The following SYCE1 variants were observed in gnomAD, a reference collection of about 807,000 sequenced individuals.
The protein encoded by SYCE1 is synaptonemal complex central element protein 1.
A neutral mutation model predicts 55.1 loss-of-function variants in SYCE1; 37 were observed. The ratio of observed to expected loss-of-function variants is 0.67; its 90% CI spans 0.52 to 0.88. The LOEUF (loss-of-function observed/expected upper bound fraction) is 0.88. Among genes scored for constraint, SYCE1 ranks in the 40% least tolerant of loss-of-function variants. The pLI, the probability that SYCE1 is intolerant of heterozygous loss-of-function variation, is 0.00. For synonymous variants in SYCE1, 163 were observed against 159.4 expected (o/e 1.02, Z -0.17); for missense variants, 399 against 416.4 (o/e 0.96, Z 0.36).
At chr10:133,558,053 C>T in intron 5 of SYCE1, 114 bp downstream of exon 5, 1 of 1,534,082 alleles carries the variant, frequency 6.5e-7, no homozygotes, top group Non-Finnish European at 9.0e-7. Context: ...TGGTGGAAGC[C>T]ACAGGAGAGA....
upstream of SYCE1, chr10:133,567,799 A>G: frequency 2.8e-6 from 1 of 352,604 alleles, no homozygotes; most frequent in Non-Finnish European, 5.7e-6. Context: ...TACAGGAGCC[A>G]CAGGCCACTG....
chr10:133,566,229 C>T (rs1851931683), upstream of SYCE1, among the ~76,000 whole-genome samples: 1 of 152,326 alleles, frequency 6.6e-6, no homozygotes, highest in African/African-American at 2.4e-5. Flanking sequence ...AGAACCCAGC[C>T]CTTCACCGGC....
At chr10:133,564,457 C>T (rs759141143) in intron 1 of SYCE1, 17 of 985,016 alleles carry the variant, frequency 1.7e-5, no homozygotes, top group Non-Finnish European at 2.0e-5. Context: ...GGCTAGCACA[C>T]CGGCGGGCCA....
rs534065731 is a variant in SYCE1 at position 133,564,889 on chromosome 10, T to C, written c.73+568A>G. ...TGTTGGGCTGCAATTTCTGGACTTC[T>C]GTACAACTCTGACCAGCTGCCTGTC... On this transcript the variant is annotated intron_variant, in intron 1 of 12. Transcript: ENST00000343131. Among the ~76,000 whole-genome samples the C allele has an allele frequency of 1.5e-4, 23 of 152,336 alleles. 1 individual carries two copies. Among genetic ancestry groups the C allele is most frequent in the Admixed American group, 1.5e-3 (23 of 15,312 alleles).
At chr10:133,554,104 A>G (rs1851589143), downstream of SYCE1, 9 of 507,348 alleles carry the variant, frequency 1.8e-5, no homozygotes, top group Middle Eastern at 2.8e-4. Flanking sequence ...CACTCAGTTC[A>G]ATATATTTTC....
At chr10:133,561,660 T>C (rs985986777) in intron 1 of SYCE1, among the ~76,000 whole-genome samples, 1 of 152,190 alleles carries the variant, frequency 6.6e-6, no homozygotes, top group Non-Finnish European at 1.5e-5. Context: ...TGGCTAAAGG[T>C]AAAATTAACA....
intron 2 of SYCE1, 188 bp from the exon 3 acceptor site, chr10:133,559,548 G>A (rs1488554986): frequency 2.3e-5 from 14 of 611,032 alleles, no homozygotes; most frequent in Admixed American, 2.2e-4. Flanking sequence ...ATAAGATACC[G>A]AATGGGGCTG....
rs115981153 is a variant in SYCE1 at position 133,555,697 on chromosome 10, G to C, written c.730C>G (p.Gln244Glu). 2.3e-4 allele frequency: 372 copies of C among 1,605,592 alleles called. 2 individuals are homozygous for C. In the African/African-American group the frequency reaches 4.6e-3, roughly 20 times the overall value. Residue 244 changes from glutamine (Q) to glutamate (E), a missense_variant, in exon 11 of 13, where the codon CAG becomes GAG. By Grantham distance (29) the Gln-to-Glu change is conservative (BLOSUM62 2). Coordinates refer to ENST00000343131, the MANE Select transcript of SYCE1 (RefSeq NM_001143764.3). ...QEAAATVQLFQEEHRKAEELL... is the reference protein window; with the variant it reads ...QEAAATVQLFEEEHRKAEELL... The stretch of plus-strand genomic sequence containing the variant: ...TCCTCAGCCTTCCTGTGCTCTTCCT[G>C]AAACAGCTGCCTGGGGGGCCCAGTA...
chr10:133,555,607 TCTG>T lies in SYCE1; in HGVS notation c.817_819del (p.Gln273del), dbSNP rs759448395. 6.2e-7 allele frequency: 1 copy of T among 1,605,688 alleles called. No homozygotes were observed. Among genetic ancestry groups the T allele is most frequent in the South Asian group, 1.1e-5 (1 of 90,980 alleles). On this transcript the variant is annotated inframe_deletion, in exon 11 of 13. Coordinates refer to ENST00000343131, the MANE Select transcript of SYCE1 (RefSeq NM_001143764.3). ...GGCCTCCACACGCACCTCTGCCGCT[TCTG>T]CTGCTGTTGTTGGCACTTCTGCTGC...
chr10:133,557,335 G>A (rs1026877591), intron 6 of SYCE1, 179 bp from the exon 7 acceptor site: 1 of 620,294 alleles, frequency 1.6e-6, no homozygotes, highest in African/African-American at 1.8e-5. Flanking sequence ...ATTGTTGTCA[G>A]GTTAAGAGAG....
intron 3 of SYCE1, 139 bp downstream of exon 3, chr10:133,559,162 G>A (rs1851761653): frequency 3.9e-6 from 4 of 1,015,300 alleles, no homozygotes; most frequent in Non-Finnish European, 6.0e-6. Context: ...GAAATGCCCT[G>A]TACTTAATTT....
chr10:133,565,634 C>A, upstream of SYCE1: 1 of 1,099,004 alleles, frequency 9.1e-7, no homozygotes, highest in Non-Finnish European at 1.3e-6. Context: ...CTGCGCAATG[C>A]ACTCCTGCGC....
downstream of SYCE1, chr10:133,554,043 T>C (rs1351027351): frequency 2.7e-6 from 1 of 373,580 alleles, no homozygotes; most frequent in Non-Finnish European, 4.8e-6. Flanking sequence ...AAGTTCCTTC[T>C]AATTGTGGGC....
chr10:133,554,917 C>G lies in SYCE1; in HGVS notation c.*75G>C, dbSNP rs1851614846. On this transcript the variant is annotated 3_prime_UTR_variant, in exon 13 of 13. Coordinates refer to ENST00000343131, the MANE Select transcript of SYCE1 (RefSeq NM_001143764.3). Reference sequence around the variant, plus strand: ...CCCAGACCAAGAGGCAGAGTCAAGCCAAGGCTTCAATCAGTCACAGGAGAC... The same window carrying G: ...CCCAGACCAAGAGGCAGAGTCAAGCGAAGGCTTCAATCAGTCACAGGAGAC... 1 of 1,469,582 alleles carries G rather than the reference C, an allele frequency of 6.8e-7. No individual in the cohort carries two copies. The highest frequency in any genetic ancestry group is 2.7e-5 in the Admixed American group (1 of 37,408). 91.0% of individuals were successfully genotyped at this position (1,469,582 alleles called of 1,614,324 possible).
In SYCE1 at chr10:133,557,853, G is replaced by T. The variant is rs754930605; in HGVS notation, c.374+11C>A. The T allele has an allele frequency of 6.2e-7, 1 of 1,614,088 alleles. No homozygotes were observed. The highest frequency in any genetic ancestry group is 1.1e-5 in the South Asian group (1 of 91,084). ...GGTAGTGCAGAGTTAGGCTCAGCTGGAAGCTCTTACCTGTGTGCCTCACTT... is the reference window on the plus strand; with the variant it reads ...GGTAGTGCAGAGTTAGGCTCAGCTGTAAGCTCTTACCTGTGTGCCTCACTT... On this transcript the variant is annotated intron_variant, in intron 6 of 12. Coordinates refer to ENST00000343131, the MANE Select transcript of SYCE1 (RefSeq NM_001143764.3).
downstream of SYCE1, chr10:133,554,447 T>C: frequency 1.1e-6 from 1 of 895,792 alleles, no homozygotes; most frequent in Non-Finnish European, 1.9e-6. Context: ...ATTTGAAACA[T>C]GTATCAGATG....
Position 133,555,070 on chromosome 10 carries a change from A to G in SYCE1, c.978T>C (p.Asp326=). The G allele has an allele frequency of 6.4e-7, 1 of 1,551,476 alleles. No individual in the cohort carries two copies. The highest frequency in any genetic ancestry group is 8.7e-7 in the Non-Finnish European group (1 of 1,146,942). Residue 326 remains aspartate, a synonymous_variant, in exon 13 of 13, where the codon GAT becomes GAC. Transcript: ENST00000343131. The part of the protein sequence containing the change: ...RPGAAHQAGP[D]VLIGQEDTLH... The stretch of plus-strand genomic sequence containing the variant: ...GTGTGTCCTCCTGGCCTATGAGGAC[A>G]TCAGGCCCTGCTTGGTGTGCAGCTC...
At chr10:133,559,798 A>C (rs1851780050) in intron 2 of SYCE1, 3 of 454,658 alleles carry the variant, frequency 6.6e-6, no homozygotes, top group African/African-American at 5.9e-5. Context: ...GGGGGAAGGA[A>C]GGGAAGTGAA....
rs1851619868 is a variant in SYCE1 at position 133,555,027 on chromosome 10, G to T, written c.1021C>A (p.Pro341Thr). The T allele has an allele frequency of 1.3e-6, 2 of 1,551,090 alleles. No homozygotes were observed. The highest frequency in any genetic ancestry group is 1.7e-6 in the Non-Finnish European group (2 of 1,146,826). The change falls in exon 13 of 13, where the codon CCA becomes ACA. Residue 341 changes from proline (P) to threonine (T), a missense_variant. Transcript: ENST00000343131. ...TCCTTTATTTCCTGAAAGCCCCTTG[G>T]GCTAAGGTCGGGGTGGAGTGTGTCC... The part of the protein sequence containing the change: ...QEDTLHPDLS[P>T]RGFQEIKELF
Sources: allele counts gnomAD v4.1 joint callset (sites outside exome capture counted in the v4.1 genomes callset), GRCh38; gene constraint gnomAD v4.1.1; transcripts MANE v1.5; gene names NCBI Gene and HGNC (gene_info 2026-07-23, HGNC 2026-07-21).